Variants in WWP2 observed in about 807,000 individuals in gnomAD.
WWP2 encodes the protein NEDD4-like E3 ubiquitin-protein ligase WWP2.
Under a neutral mutation model 121.0 loss-of-function variants are expected in WWP2, and 57 were observed. The observed-to-expected ratio is 0.47, with a 90% CI of 0.38 to 0.59. WWP2 has a LOEUF of 0.59. Among genes scored for constraint, WWP2 ranks in the 20% least tolerant of loss-of-function variants. The pLI is 0.00. For synonymous variants in WWP2, 449 were observed against 441.3 expected (o/e 1.02, Z -0.22); for missense variants, 962 against 1,158.9 (o/e 0.83, Z 2.47).
rs370572580 is a variant in WWP2 at position 69,859,934 on chromosome 16, G to A, written c.576-11870G>A. On this transcript the variant is annotated intron_variant, in intron 6 of 23. Transcript: ENST00000359154. ...TGTGGTACACGACGACATACTTGAC[G>A]ACATACTCAAGGGTGTGGCACCTTG... 1.7e-4 allele frequency among the ~76,000 whole-genome samples: 23 copies of A among 138,836 alleles called. 2 individuals are homozygous for A. The highest frequency in any genetic ancestry group is 4.7e-4 in the East Asian group (2 of 4,272). 91.1% of individuals were successfully genotyped at this position (138,836 alleles called of 152,430 possible). A position where few individuals can be genotyped will look rare whatever the true frequency, so the allele number is the denominator to read the frequency against.
chr16:69,832,663 C>T (rs187867081), intron 4 of WWP2, among the ~76,000 whole-genome samples: 174 of 152,304 alleles, frequency 1.1e-3, no homozygotes, highest in Admixed American at 3.5e-3. Flanking sequence ...GTGCCTCAGC[C>T]TCCCAAGTTA....
intron 8 of WWP2, among the ~76,000 whole-genome samples, chr16:69,891,353 G>A (rs1322708991): frequency 6.6e-6 from 1 of 152,180 alleles, no homozygotes; most frequent in Non-Finnish European, 1.5e-5. Context: ...TACCAACAAA[G>A]GGTGTGTTGT....
chr16:69,779,746 A>AT (rs1232856869), intron 1 of WWP2, among the ~76,000 whole-genome samples: 1 of 152,168 alleles, frequency 6.6e-6, no homozygotes, highest in Non-Finnish European at 1.5e-5. Flanking sequence ...ATATTCTTTC[A>AT]TTTTTAAAGT....
intron 1 of WWP2, among the ~76,000 whole-genome samples, chr16:69,765,881 T>TTGAACA (rs2038717431): frequency 6.6e-6 from 1 of 152,152 alleles, no homozygotes; most frequent in African/African-American, 2.4e-5. Context: ...CAGGCTGGTC[T>TTGAACA]TGAACACTTG....
chr16:69,816,595 G>A (rs1567682097), intron 4 of WWP2, among the ~76,000 whole-genome samples: 1 of 151,526 alleles, frequency 6.6e-6, no homozygotes, highest in African/African-American at 2.4e-5. Context: ...GTATTTTTCT[G>A]ATTATTATTA....
intron 1 of WWP2, among the ~76,000 whole-genome samples, chr16:69,781,839 G>A (rs1430732173): frequency 6.6e-6 from 1 of 152,130 alleles, no homozygotes; most frequent in Non-Finnish European, 1.5e-5. Flanking sequence ...TGGAAGGAAA[G>A]GCAGGAGAGC....
At chr16:69,881,268 T>G (rs2057824299) in intron 7 of WWP2, among the ~76,000 whole-genome samples, 1 of 152,198 alleles carries the variant, frequency 6.6e-6, no homozygotes, top group Admixed American at 6.5e-5. Context: ...CTTCGTGGTG[T>G]TCTGGTTTGA....
At chr16:69,769,386 G>A (rs2055366692) in intron 1 of WWP2, among the ~76,000 whole-genome samples, 1 of 151,184 alleles carries the variant, frequency 6.6e-6, no homozygotes, top group African/African-American at 2.4e-5. Flanking sequence ...AGCTCTGCCT[G>A]TTTCTACAGC....
At chr16:69,927,037 T>G (rs2058650154) in intron 11 of WWP2, among the ~76,000 whole-genome samples, 2 of 151,908 alleles carry the variant, frequency 1.3e-5, no homozygotes, top group Non-Finnish European at 2.9e-5. Flanking sequence ...TCTCGAATGC[T>G]AAGTGTGGAA....
In WWP2 at chr16:69,913,071, C is replaced by A. The variant is rs1212316669; in HGVS notation, c.1004+4221C>A. Among the ~76,000 whole-genome samples the A allele has an allele frequency of 2.4e-3, 307 of 130,200 alleles. 2 individuals carry two copies. The highest frequency in any genetic ancestry group is 8.2e-3 in the African/African-American group (292 of 35,716). The allele number at this position is 130,200 out of a possible 152,430, so 85.4% of individuals were successfully genotyped here. A position where few individuals can be genotyped will look rare whatever the true frequency, so the allele number is the denominator to read the frequency against. ...AGAATTTTTGCTCTCGTTGCCCAGG[C>A]TGGAGTGCAGTGGCGCAATCTCGGC... On this transcript the variant is annotated intron_variant, in intron 9 of 23. Transcript: ENST00000359154.
At chr16:69,798,645 GGACTCATCTTT>G (rs762493059) in intron 2 of WWP2, 26 bp from the exon 3 acceptor site, 1 of 1,603,778 alleles carries the variant, frequency 6.2e-7, no homozygotes, top group Non-Finnish European at 8.5e-7. Context: ...GGGAGCCCTG[GGACTCATCTTT>G]GACTTTTTCT....
At chr16:69,923,591 T>G (rs2058595865) in intron 10 of WWP2, among the ~76,000 whole-genome samples, 1 of 152,218 alleles carries the variant, frequency 6.6e-6, no homozygotes, top group Non-Finnish European at 1.5e-5. Flanking sequence ...AGCTGGTAGC[T>G]GATTTCCCAG....
chr16:69,811,701 C>G (rs913997971), intron 4 of WWP2, among the ~76,000 whole-genome samples: 1 of 152,156 alleles, frequency 6.6e-6, no homozygotes, highest in African/African-American at 2.4e-5. Flanking sequence ...CTGCAGTGAG[C>G]TTTGATTGTG....
intron 6 of WWP2, among the ~76,000 whole-genome samples, chr16:69,844,478 A>G (rs1384032039): frequency 6.6e-6 from 1 of 151,968 alleles, no homozygotes; most frequent in African/African-American, 2.4e-5. Flanking sequence ...CATATAACTT[A>G]ATTTGGGGCT....
chr16:69,815,285 G>T (rs1427848835), intron 4 of WWP2, among the ~76,000 whole-genome samples: 2 of 152,124 alleles, frequency 1.3e-5, no homozygotes, highest in Non-Finnish European at 2.9e-5. Flanking sequence ...TTACGGGCGT[G>T]AGCCACCTCA....
Position 69,939,349 on chromosome 16 carries a change from G to A in WWP2, c.2449G>A (p.Gly817Arg), listed in dbSNP as rs2058845798. 1.9e-6 allele frequency: 3 copies of A among 1,614,194 alleles called. No homozygotes were observed. The highest frequency in any genetic ancestry group is 2.5e-6 in the Non-Finnish European group (3 of 1,180,042). The stretch of plus-strand genomic sequence containing the variant: ...TTTACCTTGGATCACAGGTAGCAAC[G>A]GACCACAGAAGTTTTGCATTGACAA... ...GGFAELIGSN[G>R]PQKFCIDKVG... Residue 817 changes from glycine (G) to arginine (R), a missense_variant, in exon 23 of 24, where the codon GGA becomes AGA. Physicochemically the swap from Gly to Arg is moderately radical, Grantham distance 125 (BLOSUM62 -2). Coordinates refer to ENST00000359154, the MANE Select transcript of WWP2 (RefSeq NM_001270454.2).
intron 6 of WWP2, among the ~76,000 whole-genome samples, chr16:69,853,501 AACCTAAATC>A (rs1185099601): frequency 6.6e-6 from 1 of 152,194 alleles, no homozygotes; most frequent in Non-Finnish European, 1.5e-5. Context: ...TCATTGGTGC[AACCTAAATC>A]ACACCCAGAG....
At chr16:69,916,233 C>T (rs963867154) in intron 9 of WWP2, among the ~76,000 whole-genome samples, 6 of 151,988 alleles carry the variant, frequency 3.9e-5, no homozygotes, top group African/African-American at 1.2e-4. Flanking sequence ...CTCACTCTGT[C>T]GCCCAGGCTG....
chr16:69,829,486 G>T (rs1205949323), intron 4 of WWP2, among the ~76,000 whole-genome samples: 1 of 152,082 alleles, frequency 6.6e-6, no homozygotes, highest in Non-Finnish European at 1.5e-5. Context: ...GTTCATCTCT[G>T]CCCACTTTCC....
Sources: gnomAD v4.1 joint callset for allele counts (sites outside exome capture counted in the v4.1 genomes callset) on GRCh38, gnomAD v4.1.1 for gene constraint, MANE v1.5 for transcripts, NCBI Gene and HGNC (gene_info 2026-07-23, HGNC 2026-07-21) for gene names.